VPS36: variants seen among roughly 807,000 people sequenced by gnomAD.
VPS36 encodes vacuolar protein sorting 36 homolog, also known as vacuolar protein-sorting-associated protein 36.
Under a neutral mutation model 63.5 loss-of-function variants are expected in VPS36, and 31 were observed. The ratio of observed to expected loss-of-function variants is 0.49; its 90% CI spans 0.37 to 0.66. The LOEUF is 0.66. Among genes scored for constraint, VPS36 ranks in the 30% least tolerant of loss-of-function variants. The pLI, the probability that VPS36 is intolerant of heterozygous loss-of-function variation, is 0.00. For synonymous variants in VPS36, 138 were observed against 157.2 expected (o/e 0.88, Z 0.91); for missense variants, 338 against 463.7 (o/e 0.73, Z 2.49).
chr13:52,421,147 A>G (rs1958041690), intron 10 of VPS36, among the ~76,000 whole-genome samples: 1 of 152,218 alleles, frequency 6.6e-6, no homozygotes, highest in African/African-American at 2.4e-5. Flanking sequence ...TAAAGGTTAA[A>G]AAAAATGTGG....
chr13:52,413,062 T>C lies in VPS36; in HGVS notation c.*2768A>G, dbSNP rs116348993. ...AGATTTTCAAGGACCATTCTGAGCA[T>C]GCTCAATTTTGTCCTTAGGCACGGT... On this transcript the variant is annotated 3_prime_UTR_variant, in exon 14 of 14. Transcript: ENST00000378060. 1,125 of 152,794 alleles carry C rather than the reference T, an allele frequency of 7.4e-3. 6 individuals are homozygous for C. The highest frequency in any genetic ancestry group is 0.017 in the African/African-American group (700 of 41,596). 9.5% of individuals were successfully genotyped at this position (152,794 alleles called of 1,614,324 possible).
chr13:52,426,465 C>T (rs150092845), intron 8 of VPS36, among the ~76,000 whole-genome samples: 1 of 152,270 alleles, frequency 6.6e-6, no homozygotes, highest in African/African-American at 2.4e-5. Flanking sequence ...TTCAGTATTT[C>T]TGTTTTCTAC....
intron 1 of VPS36, among the ~76,000 whole-genome samples, chr13:52,443,265 T>C (rs1031170792): frequency 6.6e-6 from 1 of 152,122 alleles, no homozygotes; most frequent in African/African-American, 2.4e-5. Context: ...GAGAAGACCT[T>C]TCTAAGAAGG....
chr13:52,428,723 A>G (rs186855153), intron 6 of VPS36, among the ~76,000 whole-genome samples: 5 of 152,218 alleles, frequency 3.3e-5, no homozygotes, highest in Admixed American at 2.0e-4. Flanking sequence ...CTTTTAATAT[A>G]TAAGATATTA....
chr13:52,444,285 G>A lies in VPS36; in HGVS notation c.97-1840C>T, dbSNP rs192420821. ...ATCCTGGCTAATATGGTGAAACCCC[G>A]TCTCTACTTTAAAAAATACAAAAAA... On this transcript the variant is annotated intron_variant, in intron 1 of 13. Coordinates refer to ENST00000378060, the MANE Select transcript of VPS36 (RefSeq NM_016075.4). Among the ~76,000 whole-genome samples the A allele has an allele frequency of 4.9e-4, 75 of 151,924 alleles. No individual in the cohort carries two copies. In the East Asian group the frequency reaches 9.1e-3, roughly 18 times the overall value.
chr13:52,432,052 A>T (rs1958163626), intron 6 of VPS36, among the ~76,000 whole-genome samples: 1 of 150,802 alleles, frequency 6.6e-6, no homozygotes, highest in African/African-American at 2.4e-5. Flanking sequence ...ATGACATGTT[A>T]AAAAAAACCT....
At chr13:52,435,501 T>C (rs1444492632) in intron 4 of VPS36, among the ~76,000 whole-genome samples, 2 of 152,144 alleles carry the variant, frequency 1.3e-5, no homozygotes, top group African/African-American at 4.8e-5. Context: ...CCTGTGTATG[T>C]GGATTGTTTT....
Position 52,415,839 on chromosome 13 carries a change from T to C in VPS36, c.1152A>G (p.Thr384=), listed in dbSNP as rs764166945. Residue 384 remains threonine (T), a synonymous_variant, in exon 14 of 14, where the codon ACA becomes ACG. Transcript: ENST00000378060. ...GLRFYPNLFM[T]QS is the part of the protein sequence containing the mutation. ...TTTAAATACAAAACCCTTAGCTCTG[T>C]GTCATAAATAAATTTGGGTAAAAAC... 6.2e-7 allele frequency: 1 copy of C among 1,613,980 alleles called. No homozygotes were observed. Among genetic ancestry groups the C allele is most frequent in the African/African-American group, 1.3e-5 (1 of 75,006 alleles).
At chr13:52,436,110 T>A (rs1007785999) in intron 4 of VPS36, 180 bp downstream of exon 4, 4 of 447,040 alleles carry the variant, frequency 8.9e-6, no homozygotes, top group Non-Finnish European at 1.6e-5. Flanking sequence ...AAACTTCATA[T>A]TCTCCACTCA....
At position 52,434,873 on chromosome 13, in the gene VPS36, G is replaced by T. The variant is rs752241758; in HGVS notation, c.361C>A (p.Arg121Ser). Residue 121 changes from arginine to serine, a missense_variant, in exon 5 of 14, where the codon CGT becomes AGT. Physicochemically the swap from Arg to Ser is moderately radical, Grantham distance 110. Coordinates refer to ENST00000378060, the MANE Select transcript of VPS36 (RefSeq NM_016075.4). Reference protein sequence around the residue: ...KEHGQIEFYRRLSEEMTQRRW... With the variant: ...KEHGQIEFYRSLSEEMTQRRW... Reference sequence around the variant, plus strand: ...CTTTGTGTCATTTCCTCTGATAAACGCCTGTAAAACTGATACGCAAATAAA... The same window carrying T: ...CTTTGTGTCATTTCCTCTGATAAACTCCTGTAAAACTGATACGCAAATAAA... The T allele has an allele frequency of 1.2e-6, 2 of 1,613,482 alleles. No homozygotes were observed. Among genetic ancestry groups the T allele is most frequent in the Non-Finnish European group, 1.7e-6 (2 of 1,179,804 alleles).
At chr13:52,424,997 A>G (rs1340843748) in intron 9 of VPS36, among the ~76,000 whole-genome samples, 1 of 151,476 alleles carries the variant, frequency 6.6e-6, no homozygotes, top group Non-Finnish European at 1.5e-5. Flanking sequence ...TCAAGAAAAA[A>G]AAAAAGAAAA....
intron 3 of VPS36, among the ~76,000 whole-genome samples, chr13:52,436,656 A>G (rs1408428906): frequency 6.6e-6 from 1 of 152,172 alleles, no homozygotes; most frequent in Non-Finnish European, 1.5e-5. Context: ...TTAGAGTGTG[A>G]CTTTAGAAAA....
chr13:52,436,510 T>A, intron 3 of VPS36, 106 bp from the exon 4 acceptor site: 1 of 811,188 alleles, frequency 1.2e-6, no homozygotes, highest in Non-Finnish European at 2.0e-6. Flanking sequence ...AAAATTCATG[T>A]AGAAACAAAC....
At chr13:52,436,254 C>CACACACAAAT in intron 4 of VPS36, 36 bp downstream of exon 4, 1 of 1,347,428 alleles carries the variant, frequency 7.4e-7, no homozygotes, top group Non-Finnish European at 1.0e-6. Context: ...CACACACACA[C>CACACACAAAT]CTTTCTAGTA....
intron 9 of VPS36, among the ~76,000 whole-genome samples, chr13:52,425,024 G>T (rs566435393): frequency 8.6e-5 from 13 of 151,512 alleles, no homozygotes; most frequent in Admixed American, 2.0e-4. Flanking sequence ...ACTTTGGGAG[G>T]CCGAGGCGGG....
chr13:52,421,539 T>G (rs1346151970), intron 10 of VPS36, among the ~76,000 whole-genome samples: 9 of 149,828 alleles, frequency 6.0e-5, no homozygotes, highest in Admixed American at 2.0e-4. Context: ...TTTTTTTTTT[T>G]GAGATGGAGT....
intron 10 of VPS36, among the ~76,000 whole-genome samples, chr13:52,418,796 A>G (rs908089860): frequency 3.9e-5 from 6 of 152,292 alleles, no homozygotes; most frequent in African/African-American, 1.4e-4. Context: ...CTACATTTCA[A>G]GTCCCCAGTC....
Position 52,450,530 on chromosome 13 carries a change from C to A in VPS36, c.65G>T (p.Arg22Leu), listed in dbSNP as rs1364480857. 6.3e-7 allele frequency: 1 copy of A among 1,595,140 alleles called. No homozygotes were observed. Among genetic ancestry groups the A allele is most frequent in the Non-Finnish European group, 8.5e-7 (1 of 1,171,208 alleles). ...EINETLVIQQ[R>L]GVRIYDGEEK... Reference sequence around the variant, plus strand: ...CTCGCCATCGTAGATTCGCACCCCGCGCTGCTGGATCACCAGGGTCTCGTT... The same window carrying A: ...CTCGCCATCGTAGATTCGCACCCCGAGCTGCTGGATCACCAGGGTCTCGTT... The change falls in exon 1 of 14, where the codon CGC becomes CTC. Residue 22 changes from arginine (R) to leucine (L), a missense_variant. Physicochemically the swap from Arg to Leu is moderately radical, Grantham distance 102. Coordinates refer to ENST00000378060, the MANE Select transcript of VPS36 (RefSeq NM_016075.4).
chr13:52,421,311 T>A (rs1958043382), intron 10 of VPS36, among the ~76,000 whole-genome samples: 2 of 152,032 alleles, frequency 1.3e-5, no homozygotes, highest in Admixed American at 1.3e-4. Flanking sequence ...TGTAGAATCT[T>A]AAAAAAGTTG....
Sources: allele counts gnomAD v4.1 joint callset (sites outside exome capture counted in the v4.1 genomes callset), GRCh38; gene constraint gnomAD v4.1.1; transcripts MANE v1.5; gene names NCBI Gene and HGNC (gene_info 2026-07-23, HGNC 2026-07-21).